The following DOK5 variants were observed in gnomAD, a reference collection of about 807,000 sequenced individuals.
DOK5 encodes downstream of tyrosine kinase 5.
DOK5 carries 27 observed loss-of-function variants against 43.3 expected under a neutral mutation model. That is an observed-to-expected ratio of 0.62 (90% CI 0.46 to 0.86). The LOEUF is 0.86. DOK5 is among the 40% of genes least tolerant of loss of function. The pLI is 0.00. For missense variants in DOK5, 373 were observed against 392.9 expected (o/e 0.95, Z 0.43); for synonymous variants, 146 against 140.1 (o/e 1.04, Z -0.30).
intron 1 of DOK5, among the ~76,000 whole-genome samples, chr20:54,507,844 GA>G (rs1267752404): frequency 6.6e-6 from 1 of 152,224 alleles, no homozygotes; most frequent in Non-Finnish European, 1.5e-5. Context: ...TCACAATGGA[GA>G]ATTATTTGGG....
In DOK5 at chr20:54,535,921, G is replaced by A. The variant is rs983902909; in HGVS notation, c.67-19012G>A. Among the ~76,000 whole-genome samples, 15 of 152,054 alleles carry A rather than the reference G, an allele frequency of 9.9e-5. 1 individual carries two copies. The highest frequency in any genetic ancestry group is 7.2e-4 in the Admixed American group (11 of 15,260). On this transcript the variant is annotated intron_variant, in intron 1 of 7. Transcript: ENST00000262593. Reference sequence around the variant, plus strand: ...TTTGGAAATGTCAGGCCTATTCTGAGGCTTTTGATCCAAGGGCCTCATTTA... The same window carrying A: ...TTTGGAAATGTCAGGCCTATTCTGAAGCTTTTGATCCAAGGGCCTCATTTA...
In DOK5 at chr20:54,475,943, T is replaced by C. The variant is rs754688929; in HGVS notation, c.-4T>C. On this transcript the variant is annotated 5_prime_UTR_variant, in exon 1 of 8. Transcript: ENST00000262593. This position sits in a 1 kb window ranked among gnomAD's most constrained non-coding sequence, Gnocchi z 4.2. ...GGTAAAGGGGGGGTCACCGGCTGTC[T>C]GGGATGGCTTCCAATTTTAATGACA... 3 of 1,613,296 alleles carry C rather than the reference T, an allele frequency of 1.9e-6. No individual in the cohort carries two copies. The highest frequency in any genetic ancestry group is 2.5e-6 in the Non-Finnish European group (3 of 1,179,908).
chr20:54,533,044 T>C (rs933650301), intron 1 of DOK5, among the ~76,000 whole-genome samples: 1 of 152,252 alleles, frequency 6.6e-6, no homozygotes, highest in African/African-American at 2.4e-5. Context: ...GACCAAATTC[T>C]GATTAATTAT....
At chr20:54,481,201 G>A (rs1981706060) in intron 1 of DOK5, among the ~76,000 whole-genome samples, 2 of 149,230 alleles carry the variant, frequency 1.3e-5, no homozygotes, top group African/African-American at 5.0e-5. Flanking sequence ...GCGGAGTCTT[G>A]CTCTTTTTTC....
chr20:54,614,005 CAT>C (rs1190559809), intron 6 of DOK5, among the ~76,000 whole-genome samples: 2 of 149,264 alleles, frequency 1.3e-5, no homozygotes, highest in African/African-American at 2.4e-5. Context: ...AATATATATA[CAT>C]ATATATATGG....
At chr20:54,580,899 T>G (rs1985617741) in intron 2 of DOK5, among the ~76,000 whole-genome samples, 1 of 152,110 alleles carries the variant, frequency 6.6e-6, no homozygotes, top group Non-Finnish European at 1.5e-5. Context: ...TACTTGTCTA[T>G]TTTTGCTTTC....
intron 1 of DOK5, among the ~76,000 whole-genome samples, chr20:54,521,104 C>A (rs998147213): frequency 1.3e-5 from 2 of 151,956 alleles, no homozygotes; most frequent in African/African-American, 4.8e-5. Flanking sequence ...CTGTGAGCAA[C>A]CTTCGAGGCA....
At chr20:54,543,549 G>A (rs1984236996) in intron 1 of DOK5, among the ~76,000 whole-genome samples, 1 of 151,296 alleles carries the variant, frequency 6.6e-6, no homozygotes, top group Admixed American at 6.6e-5. Flanking sequence ...TGCTGTGTGT[G>A]TGTGTGTGTG....
intron 5 of DOK5, among the ~76,000 whole-genome samples, chr20:54,602,538 A>G (rs1986328743): frequency 6.6e-6 from 1 of 152,158 alleles, no homozygotes; most frequent in Non-Finnish European, 1.5e-5. Context: ...TGAATAATGG[A>G]GAAACATTTC....
At chr20:54,590,524 A>G (rs562023425) in intron 4 of DOK5, among the ~76,000 whole-genome samples, 20 of 151,122 alleles carry the variant, frequency 1.3e-4, no homozygotes, top group African/African-American at 4.7e-4. Context: ...AAGGGGGGGG[A>G]ATATGCTCAA....
At chr20:54,517,281 G>T (rs1211601043) in intron 1 of DOK5, among the ~76,000 whole-genome samples, 2 of 152,102 alleles carry the variant, frequency 1.3e-5, no homozygotes. Context: ...ATCGGCATAG[G>T]TATGGATTCT....
At chr20:54,548,075 C>A (rs1003183688) in intron 1 of DOK5, among the ~76,000 whole-genome samples, 1 of 152,174 alleles carries the variant, frequency 6.6e-6, no homozygotes, top group Non-Finnish European at 1.5e-5. Flanking sequence ...CTACCATGCA[C>A]AGGATAACCC....
In DOK5 at chr20:54,572,898, T is replaced by A. The variant is rs142593169; in HGVS notation, c.175-15585T>A. Among the ~76,000 whole-genome samples, 41 of 152,286 alleles carry A rather than the reference T, an allele frequency of 2.7e-4. No individual in the cohort carries two copies. In the East Asian group the frequency reaches 7.7e-3, roughly 29 times the overall value. On this transcript the variant is annotated intron_variant, in intron 2 of 7. Transcript: ENST00000262593. ...AGCCTTCTTGCTTTTACAGTGTGGA[T>A]GATGCCAATATTCACCTCTGGAAGT...
chr20:54,591,673 C>T lies in DOK5; in HGVS notation c.467C>T (p.Ala156Val). 1 of 1,613,744 alleles carries T rather than the reference C, an allele frequency of 6.2e-7. No homozygotes were observed. Among genetic ancestry groups the T allele is most frequent in the Non-Finnish European group, 8.5e-7 (1 of 1,179,878 alleles). The change falls in exon 5 of 8, where the codon GCC becomes GTC. Residue 156 changes from alanine to valine, a missense_variant. Physicochemically the swap from Ala to Val is moderately conservative, Grantham distance 64. Coordinates refer to ENST00000262593, the MANE Select transcript of DOK5 (RefSeq NM_018431.5). ...AACTTAGATGTACATGGCGAATGTG[C>T]CTTGCAGATTACATATGAGTATATC... ...SPNLDVHGECALQITYEYICL... is the reference protein window; with the variant it reads ...SPNLDVHGECVLQITYEYICL...
intron 7 of DOK5, among the ~76,000 whole-genome samples, chr20:54,645,442 T>A (rs1052264962): frequency 2.6e-5 from 4 of 151,442 alleles, no homozygotes; most frequent in Non-Finnish European, 5.9e-5. Flanking sequence ...CCATGCCCGC[T>A]CTGAACCCTG....
intron 4 of DOK5, among the ~76,000 whole-genome samples, chr20:54,589,988 C>G (rs1379472294): frequency 2.0e-5 from 3 of 152,154 alleles, no homozygotes; most frequent in Non-Finnish European, 2.9e-5. Flanking sequence ...TTCACTAAAT[C>G]AGGACACCCC....
intron 6 of DOK5, among the ~76,000 whole-genome samples, chr20:54,638,826 T>G (rs1311147926): frequency 1.3e-5 from 2 of 148,470 alleles, no homozygotes; most frequent in Non-Finnish European, 3.0e-5. Context: ...TGATCTCAGC[T>G]CGCTGCCACC....
chr20:54,526,420 G>A (rs2146701429), intron 1 of DOK5, among the ~76,000 whole-genome samples: 1 of 152,260 alleles, frequency 6.6e-6, no homozygotes, highest in Non-Finnish European at 1.5e-5. Context: ...ATCCAGAGCT[G>A]GCTACCCAGG....
intron 2 of DOK5, among the ~76,000 whole-genome samples, chr20:54,584,313 C>T (rs1025425889): frequency 7.3e-5 from 11 of 151,428 alleles, no homozygotes; most frequent in African/African-American, 2.2e-4. Context: ...TTGATTCCTT[C>T]CTCATTTTCT....
Sources: allele counts gnomAD v4.1 joint callset (sites outside exome capture counted in the v4.1 genomes callset), GRCh38; gene constraint gnomAD v4.1.1; non-coding constraint Gnocchi (gnomAD v3.1); transcripts MANE v1.5; gene names NCBI Gene and HGNC (gene_info 2026-07-23, HGNC 2026-07-21).